The following NFIB variants were observed in gnomAD, a reference collection of about 807,000 sequenced individuals.
NFIB encodes the protein nuclear factor 1 B-type.
A neutral mutation model predicts 61.5 loss-of-function variants in NFIB; 11 were observed. That is an observed-to-expected ratio of 0.18 (90% confidence interval 0.11 to 0.30). The LOEUF is 0.30. Among genes scored for constraint, NFIB ranks in the 10% least tolerant of loss-of-function variants. The pLI, the probability that NFIB is intolerant of heterozygous loss-of-function variation, is 1.00. For missense variants in NFIB, 471 were observed against 608.9 expected (o/e 0.77, Z 2.38); for synonymous variants, 260 against 216.5 (o/e 1.20, Z -1.76).
At chr9:14,399,339 CT>C (rs1211729178), upstream of NFIB, among the ~76,000 whole-genome samples, 1 of 152,174 alleles carries the variant, frequency 6.6e-6, no homozygotes, top group Non-Finnish European at 1.5e-5. Context: ...GACAAGTCTT[CT>C]GAAATTATCT....
At chr9:14,202,364 T>C (rs2049134961) in intron 2 of NFIB, among the ~76,000 whole-genome samples, 1 of 152,204 alleles carries the variant, frequency 6.6e-6, no homozygotes, top group South Asian at 2.1e-4. Context: ...TTTAAAATTC[T>C]CCGACTTCCA....
At chr9:14,167,297 C>A (rs1408846138) in intron 3 of NFIB, among the ~76,000 whole-genome samples, 2 of 152,106 alleles carry the variant, frequency 1.3e-5, no homozygotes, top group Non-Finnish European at 2.9e-5. Context: ...AATCCCAGCA[C>A]TCTAGGAGGC....
At chr9:14,509,919 CAG>C in the NFIB span, among the ~76,000 whole-genome samples, 1 of 152,186 alleles carries the variant, frequency 6.6e-6, no homozygotes, top group Non-Finnish European at 1.5e-5. Flanking sequence ...GTTTTTGAGA[CAG>C]AGTCTCGCTC....
At chr9:14,112,699 G>C (rs1242309759) in intron 10 of NFIB, among the ~76,000 whole-genome samples, 1 of 152,150 alleles carries the variant, frequency 6.6e-6, no homozygotes, top group Non-Finnish European at 1.5e-5. Context: ...GCTATAGTCT[G>C]TAAGTTCTCA....
intron 1 of NFIB, among the ~76,000 whole-genome samples, chr9:14,382,910 G>C (rs912966485): frequency 2.0e-5 from 3 of 152,124 alleles, no homozygotes; most frequent in African/African-American, 7.2e-5. Context: ...AACCATCCTG[G>C]TGATACTAGA....
the NFIB span, among the ~76,000 whole-genome samples, chr9:14,479,274 C>T: frequency 1.3e-5 from 2 of 152,164 alleles, no homozygotes; most frequent in Non-Finnish European, 2.9e-5. Flanking sequence ...CATGTAGATA[C>T]CAGCAAGTAG....
At chr9:14,309,105 A>G (rs546640058) in intron 1 of NFIB, among the ~76,000 whole-genome samples, 5 of 152,336 alleles carry the variant, frequency 3.3e-5, no homozygotes, top group Admixed American at 1.3e-4. Flanking sequence ...ATCCCAAGTT[A>G]GAATTTACAT....
At chr9:14,346,300 C>CCCA (rs1554715692) in intron 1 of NFIB, among the ~76,000 whole-genome samples, 1 of 144,906 alleles carries the variant, frequency 6.9e-6, no homozygotes, top group Non-Finnish European at 1.6e-5. Context: ...ACCCCCCCCC[C>CCCA]GTAACCTGAG....
Position 14,168,500 on chromosome 9 carries a change from C to G in NFIB, c.616+11227G>C, listed in dbSNP as rs1467766543. Among the ~76,000 whole-genome samples, 14 of 152,114 alleles carry G rather than the reference C, an allele frequency of 9.2e-5. 1 individual carries two copies. The highest frequency in any genetic ancestry group is 9.2e-4 in the Admixed American group (14 of 15,278). On this transcript the variant is annotated intron_variant, in intron 3 of 10. Transcript: ENST00000380953. Reference sequence around the variant, plus strand: ...ACAAAGAAGCAGCACACGGCTAACGCTAAAGGCATAGTCCATGTGTGCAAC... The same window carrying G: ...ACAAAGAAGCAGCACACGGCTAACGGTAAAGGCATAGTCCATGTGTGCAAC...
intron 1 of NFIB, among the ~76,000 whole-genome samples, chr9:14,377,065 C>T (rs976709884): frequency 6.6e-6 from 1 of 152,194 alleles, no homozygotes; most frequent in Non-Finnish European, 1.5e-5. Flanking sequence ...TTCTTTCCCT[C>T]CATGAAGCAA....
At chr9:14,228,329 G>A (rs964567315) in intron 2 of NFIB, among the ~76,000 whole-genome samples, 8 of 151,562 alleles carry the variant, frequency 5.3e-5, no homozygotes, top group African/African-American at 1.7e-4. Flanking sequence ...CGAGTAGCTG[G>A]GATTACAGGA....
rs1013480920 is a variant in NFIB at position 14,088,304 on chromosome 9, C to T, written c.*5G>A. ...GTCCTATTTGACACTTGGAAAGGAACCAAGCTAGCCCAGGTACCAGGACTG... is the reference window on the plus strand; with the variant it reads ...GTCCTATTTGACACTTGGAAAGGAATCAAGCTAGCCCAGGTACCAGGACTG... On this transcript the variant is annotated 3_prime_UTR_variant, in exon 11 of 11. Transcript: ENST00000380953. 1 of 1,598,436 alleles carries T rather than the reference C, an allele frequency of 6.3e-7. No homozygotes were observed. The highest frequency in any genetic ancestry group is 1.1e-5 in the South Asian group (1 of 88,594).
intron 2 of NFIB, among the ~76,000 whole-genome samples, chr9:14,276,582 A>G (rs1326573033): frequency 6.6e-6 from 1 of 152,152 alleles, no homozygotes; most frequent in Non-Finnish European, 1.5e-5. Flanking sequence ...GCCACTTCCT[A>G]CATGTGAAAT....
intron 2 of NFIB, among the ~76,000 whole-genome samples, chr9:14,291,301 A>G (rs2059080888): frequency 6.6e-6 from 1 of 152,056 alleles, no homozygotes; most frequent in African/African-American, 2.4e-5. Context: ...CCTGGCCAAC[A>G]CGATGAAATC....
intron 6 of NFIB, among the ~76,000 whole-genome samples, chr9:14,137,141 T>C (rs953098310): frequency 6.6e-6 from 1 of 152,188 alleles, no homozygotes; most frequent in Admixed American, 6.5e-5. Context: ...CATTGCTACA[T>C]CCCTAGTCAT....
chr9:14,275,994 A>G (rs1324231062), intron 2 of NFIB, among the ~76,000 whole-genome samples: 3 of 152,156 alleles, frequency 2.0e-5, no homozygotes, highest in Non-Finnish European at 2.9e-5. Flanking sequence ...TCTCTCAAGC[A>G]TATATGGATA....
chr9:14,165,327 T>C (rs1189548790), intron 3 of NFIB, among the ~76,000 whole-genome samples: 1 of 152,044 alleles, frequency 6.6e-6, no homozygotes, highest in Non-Finnish European at 1.5e-5. Flanking sequence ...GCCTCTCTCA[T>C]CGAAACAAAA....
At chr9:14,409,548 G>A in the NFIB span, among the ~76,000 whole-genome samples, 11 of 152,298 alleles carry the variant, frequency 7.2e-5, no homozygotes, top group East Asian at 9.7e-4. Context: ...AGTACTTCTA[G>A]GGTTAGAGAA....
chr9:14,311,668 A>C (rs1430097642), intron 1 of NFIB, among the ~76,000 whole-genome samples: 1 of 152,212 alleles, frequency 6.6e-6, no homozygotes, highest in Non-Finnish European at 1.5e-5. Context: ...ACAAATTAAG[A>C]TAAAACTAGT....
Sources: gnomAD v4.1 joint callset for allele counts (sites outside exome capture counted in the v4.1 genomes callset) on GRCh38, gnomAD v4.1.1 for gene constraint, MANE v1.5 for transcripts, NCBI Gene and HGNC (gene_info 2026-07-23, HGNC 2026-07-21) for gene names.